The following TM4SF20 variants were observed in gnomAD, a reference collection of about 807,000 sequenced individuals.
TM4SF20 encodes the protein transmembrane 4 L six family member 20.
A neutral mutation model predicts 15.1 loss-of-function variants in TM4SF20; 13 were observed. That is an observed-to-expected ratio of 0.86 (90% CI 0.56 to 1.36). The LOEUF (loss-of-function observed/expected upper bound fraction) is 1.36, where lower values mean the gene tolerates loss of function less well. TM4SF20 is among the 40% of genes most tolerant of loss of function. TM4SF20 has a pLI of 0.00. For synonymous variants in TM4SF20, 92 were observed against 96.6 expected, an observed-to-expected ratio of 0.95 and a Z score of 0.28; for missense variants, 282 against 268.4, an observed-to-expected ratio of 1.05 and a Z score of -0.35.
chr2:227,368,511 T>A (rs1341763747), intron 2 of TM4SF20, among the ~76,000 whole-genome samples: 1 of 151,482 alleles, frequency 6.6e-6, no homozygotes, highest in Non-Finnish European at 1.5e-5. Flanking sequence ...CCACTACACC[T>A]GGCTAATTTT....
In TM4SF20 at chr2:227,362,951, C is replaced by A. The variant is rs1159787366; in HGVS notation, c.*773G>T. On this transcript the variant is annotated 3_prime_UTR_variant, in exon 4 of 4. Coordinates refer to ENST00000304568, the MANE Select transcript of TM4SF20 (RefSeq NM_024795.4). ...TCTATTCTCTTAATCTATAACAGTT[C>A]CCTCAAAAATATTTTTCTTTTATAA... The A allele has an allele frequency of 6.6e-6, 1 of 152,076 alleles. No homozygotes were observed. Among genetic ancestry groups the A allele is most frequent in the Non-Finnish European group, 1.5e-5 (1 of 68,016 alleles). 9.4% of individuals were successfully genotyped at this position (152,076 alleles called of 1,614,324 possible).
chr2:227,364,628 A>G (rs544634767), intron 3 of TM4SF20, among the ~76,000 whole-genome samples: 1 of 152,336 alleles, frequency 6.6e-6, no homozygotes, highest in African/African-American at 2.4e-5. Flanking sequence ...ATTGCTGGAT[A>G]TCAGCAACTG....
At chr2:227,378,648 A>T (rs1468445217) in intron 1 of TM4SF20, among the ~76,000 whole-genome samples, 2 of 152,216 alleles carry the variant, frequency 1.3e-5, no homozygotes, top group Non-Finnish European at 2.9e-5. Context: ...ACCATCACCC[A>T]GGCTAGTCAT....
chr2:227,375,771 G>A lies in TM4SF20; in HGVS notation c.183+3315C>T, dbSNP rs572001975. Among the ~76,000 whole-genome samples the A allele has an allele frequency of 1.7e-3, 264 of 152,238 alleles. 1 individual carries two copies. The highest frequency in any genetic ancestry group is 6.3e-3 in the African/African-American group (260 of 41,546). Reference sequence around the variant, plus strand: ...CCCAAAGTGCTGGGATTACAGACATGAGCCACCGTGCCTGGCCAGCTTTCA... The same window carrying A: ...CCCAAAGTGCTGGGATTACAGACATAAGCCACCGTGCCTGGCCAGCTTTCA... On this transcript the variant is annotated intron_variant, in intron 1 of 3. Transcript: ENST00000304568.
At chr2:227,378,770 T>C (rs1483946239) in intron 1 of TM4SF20, among the ~76,000 whole-genome samples, 1 of 152,184 alleles carries the variant, frequency 6.6e-6, no homozygotes, top group Non-Finnish European at 1.5e-5. Context: ...AAGGAATTAA[T>C]TCAGAAGGTC....
At chr2:227,378,271 A>C (rs1373893230) in intron 1 of TM4SF20, among the ~76,000 whole-genome samples, 1 of 151,972 alleles carries the variant, frequency 6.6e-6, no homozygotes, top group Non-Finnish European at 1.5e-5. Flanking sequence ...GGTATATGGG[A>C]GGCAGAACCA....
At chr2:227,371,351 T>G (rs550964137) in intron 1 of TM4SF20, among the ~76,000 whole-genome samples, 1 of 152,218 alleles carries the variant, frequency 6.6e-6, no homozygotes, top group East Asian at 1.9e-4. Flanking sequence ...GTTGTTTGTT[T>G]GTTTAAAGAG....
At chr2:227,366,274 T>A (rs1450490315) in intron 2 of TM4SF20, 30 bp from the exon 3 acceptor site, 17 of 1,595,532 alleles carry the variant, frequency 1.1e-5, no homozygotes, top group Non-Finnish European at 1.5e-5. Flanking sequence ...CATTTGCACA[T>A]GTTATGACAT....
At chr2:227,365,985 C>A in intron 3 of TM4SF20, 108 bp downstream of exon 3, 1 of 1,156,608 alleles carries the variant, frequency 8.6e-7, no homozygotes, top group Middle Eastern at 2.2e-4. Flanking sequence ...CCGTTTGTCC[C>A]GGCAGTTGCA....
chr2:227,370,036 G>A (rs2106491478), intron 2 of TM4SF20, among the ~76,000 whole-genome samples: 1 of 152,258 alleles, frequency 6.6e-6, no homozygotes, highest in Middle Eastern at 3.4e-3. Context: ...CAGCATCTCT[G>A]AAAGTGTTCT....
chr2:227,377,535 T>C (rs1361545486), intron 1 of TM4SF20, among the ~76,000 whole-genome samples: 4 of 152,236 alleles, frequency 2.6e-5, no homozygotes, highest in African/African-American at 9.6e-5. Context: ...AGAGTGTTTT[T>C]GTAAATCTGG....
chr2:227,375,102 T>C (rs1476845757), intron 1 of TM4SF20, among the ~76,000 whole-genome samples: 1 of 151,756 alleles, frequency 6.6e-6, no homozygotes, highest in Non-Finnish European at 1.5e-5. Context: ...AATTTTTGTA[T>C]TTTTTGATAG....
intron 2 of TM4SF20, among the ~76,000 whole-genome samples, chr2:227,367,523 A>G (rs2076399091): frequency 6.6e-6 from 1 of 152,136 alleles, no homozygotes; most frequent in Non-Finnish European, 1.5e-5. Context: ...GAAAAAAAAA[A>G]GAAGGAAACT....
intron 1 of TM4SF20, among the ~76,000 whole-genome samples, chr2:227,372,729 G>A (rs1276920802): frequency 1.3e-5 from 2 of 152,124 alleles, no homozygotes; most frequent in African/African-American, 4.8e-5. Context: ...TTTTGAGACA[G>A]GGTCTCACTC....
chr2:227,372,084 T>G (rs568838317), intron 1 of TM4SF20, among the ~76,000 whole-genome samples: 9 of 152,270 alleles, frequency 5.9e-5, no homozygotes, highest in African/African-American at 2.2e-4. Flanking sequence ...ATTTTAGGCG[T>G]AGGTTTTTTT....
At chr2:227,372,900 T>G (rs1455974894) in intron 1 of TM4SF20, among the ~76,000 whole-genome samples, 1 of 152,046 alleles carries the variant, frequency 6.6e-6, no homozygotes, top group African/African-American at 2.4e-5. Flanking sequence ...GGCATTTTTT[T>G]GTAGAGACGG....
intron 1 of TM4SF20, among the ~76,000 whole-genome samples, chr2:227,373,273 TC>T (rs542998915): frequency 0.024 from 3,591 of 152,324 alleles, 143 homozygotes; most frequent in African/African-American, 0.081. Context: ...TGCCTCCATG[TC>T]ACTTTGTATT....
intron 1 of TM4SF20, among the ~76,000 whole-genome samples, chr2:227,374,545 A>C (rs1419148719): frequency 1.3e-5 from 2 of 152,310 alleles, no homozygotes; most frequent in East Asian, 3.9e-4. Context: ...GCATATTTGA[A>C]TGCCTGAGTT....
chr2:227,363,813 G>C lies in TM4SF20; in HGVS notation c.601C>G (p.Leu201Val), dbSNP rs2076375962. Residue 201 changes from leucine to valine, a missense_variant, in exon 4 of 4, where the codon CTG (leucine) becomes GTG (valine). Coordinates refer to ENST00000304568, the MANE Select transcript of TM4SF20 (RefSeq NM_024795.4). ...TGACTGAGCCCAAACAGGACCTCCA[G>C]AATTCCAACAAGCAATAGACCTAAA... ...VFLGLLLVGI[L>V]EVLFGLSQIV... The C allele has an allele frequency of 2.5e-6, 4 of 1,614,112 alleles. No homozygotes were observed. The highest frequency in any genetic ancestry group is 3.4e-6 in the Non-Finnish European group (4 of 1,180,002).
Sources: gnomAD v4.1 joint callset for allele counts (sites outside exome capture counted in the v4.1 genomes callset) on GRCh38, gnomAD v4.1.1 for gene constraint, MANE v1.5 for transcripts, NCBI Gene and HGNC (gene_info 2026-07-23, HGNC 2026-07-21) for gene names.